The following DGCR6L variants were observed in gnomAD, a reference collection of about 807,000 sequenced individuals.
The protein encoded by DGCR6L is DiGeorge syndrome critical region gene 6 like, also known as protein DGCR6L.
A neutral mutation model predicts 31.1 loss-of-function variants in DGCR6L; 24 were observed. The observed-to-expected ratio is 0.77, with a 90% confidence interval of 0.56 to 1.08. The LOEUF is 1.08. Ranked by LOEUF, DGCR6L falls within the 50% of genes least tolerant of loss-of-function variation. The pLI is 0.00. For missense variants in DGCR6L, 218 were observed against 287.1 expected (o/e 0.76, Z 1.74); for synonymous variants, 104 against 126.1 (o/e 0.82, Z 1.17).
chr22:20,315,470 C>T lies in DGCR6L; in HGVS notation c.379G>A (p.Glu127Lys). The T allele has an allele frequency of 6.2e-7, 1 of 1,613,358 alleles. No individual in the cohort carries two copies. The highest frequency in any genetic ancestry group is 2.2e-5 in the East Asian group (1 of 44,876). Residue 127 changes from glutamate to lysine, a missense_variant, in exon 4 of 5, where the codon GAA (glutamate) becomes AAA (lysine). By Grantham distance (56) the Glu-to-Lys change is moderately conservative (BLOSUM62 1). Coordinates refer to ENST00000248879, the MANE Select transcript of DGCR6L (RefSeq NM_033257.4). The part of the protein sequence containing the change: ...AAQQRELEAV[E>K]HRIREEQRAM... ...CGCTGCTCCTCACGGATCCGGTGTT[C>T]CACGGCCTGCCATGGGGCCAGGGCG... is the stretch of plus-strand genomic sequence containing the variant.
chr22:20,315,969 T>G (rs1176488085), intron 3 of DGCR6L, 150 bp downstream of exon 3: 3 of 941,296 alleles, frequency 3.2e-6, no homozygotes, highest in Admixed American at 2.9e-5. Context: ...AGCCACCTGG[T>G]GGGACTCACT....
At chr22:20,316,887 G>A (rs975495947) in intron 2 of DGCR6L, among the ~76,000 whole-genome samples, 8 of 152,212 alleles carry the variant, frequency 5.3e-5, no homozygotes, top group African/African-American at 1.9e-4. Context: ...TTGCTAAACT[G>A]TGCACAAACA....
chr22:20,319,603 G>A (rs112389145), intron 2 of DGCR6L, 36 bp downstream of exon 2: 1 of 1,605,408 alleles, frequency 6.2e-7, no homozygotes. Context: ...CGCCGACCCG[G>A]AGGAGGCGGC....
In DGCR6L at chr22:20,314,730, G is replaced by A. The variant is rs193920891; in HGVS notation, c.608C>T (p.Pro203Leu). ...ACACTGGGCAGCAGGCGACTGCCAG[G>A]GACCTCCCAGTCCCAGGGCTGCATT... ...AGNAALGLGG[P>L]WQSPAAQCDQ... The change falls in exon 5 of 5, where the codon CCC (proline) becomes CTC (leucine). Residue 203 changes from proline (P) to leucine (L), a missense_variant. By Grantham distance (98) the Pro-to-Leu change is moderately conservative. This residue lies in a region of DGCR6L where 58 missense variants were observed against 105.4 expected (regional missense o/e 0.55). Transcript: ENST00000248879. The A allele has an allele frequency of 1.2e-6, 2 of 1,611,792 alleles. No homozygotes were observed. Among genetic ancestry groups the A allele is most frequent in the Non-Finnish European group, 1.7e-6 (2 of 1,179,518 alleles).
At chr22:20,316,259 G>A (rs746287839) in intron 2 of DGCR6L, 40 bp from the exon 3 acceptor site, 29 of 1,559,730 alleles carry the variant, frequency 1.9e-5, no homozygotes, top group East Asian at 1.7e-4. Context: ...GGTGGGACTC[G>A]GCAGCAGCCC....
intron 2 of DGCR6L, among the ~76,000 whole-genome samples, chr22:20,317,877 G>T (rs1331549273): frequency 2.0e-5 from 3 of 152,100 alleles, no homozygotes; most frequent in African/African-American, 7.2e-5. Flanking sequence ...AAAGACAATC[G>T]CCCAGACATT....
rs947301374 is a variant in DGCR6L, at chr22:20,316,291, G to A, written c.272-72C>T. 10 of 1,543,414 alleles carry A rather than the reference G, an allele frequency of 6.5e-6. No homozygotes were observed. In the African/African-American group the frequency reaches 9.6e-5, roughly 15 times the overall value. On this transcript the variant is annotated intron_variant, in intron 2 of 4. Transcript: ENST00000248879. The stretch of plus-strand genomic sequence containing the variant: ...GCCCTCACCCATGGGCACCTGCCTT[G>A]CCAGCCCAGCAGAGCAGCCAGGCCA...
chr22:20,315,997 C>T, intron 3 of DGCR6L, 122 bp downstream of exon 3: 3 of 1,223,138 alleles, frequency 2.5e-6, no homozygotes, highest in Non-Finnish European at 3.3e-6. Context: ...CAGTGTCCCA[C>T]TCAGGCCCAG....
Position 20,319,506 on chromosome 22 carries a change from C to T in DGCR6L, c.271+133G>A, listed in dbSNP as rs958695797. The T allele has an allele frequency of 2.8e-6, 4 of 1,430,132 alleles. No homozygotes were observed. In the African/African-American group the frequency reaches 4.3e-5, roughly 15 times the overall value. The allele number at this position is 1,430,132 out of a possible 1,614,324, so 88.6% of individuals were successfully genotyped here. ...AAAGGCGCTGTCTCAGTCTCTGCGC[C>T]CGTTGATTTTGTCAATCTTAGAGAC... On this transcript the variant is annotated intron_variant, in intron 2 of 4. Transcript: ENST00000248879.
chr22:20,317,042 G>A (rs1489852221), intron 2 of DGCR6L, among the ~76,000 whole-genome samples: 1 of 152,148 alleles, frequency 6.6e-6, no homozygotes, highest in Non-Finnish European at 1.5e-5. Context: ...TCCCCAGGAG[G>A]GAGGGGTCCC....
At position 20,314,463 on chromosome 22, in the gene DGCR6L, T is replaced by C. The variant is rs1457414005; in HGVS notation, c.*212A>G. ...TGTGAGAACCCCCAGCCTCACTCTC[T>C]GCCTGGTCCTGAAGCAGACAGCAGC... On this transcript the variant is annotated 3_prime_UTR_variant, in exon 5 of 5. Coordinates refer to ENST00000248879, the MANE Select transcript of DGCR6L (RefSeq NM_033257.4). 2.3e-6 allele frequency: 2 copies of C among 866,392 alleles called. No homozygotes were observed. The highest frequency in any genetic ancestry group is 3.4e-5 in the African/African-American group (2 of 58,460). The allele number at this position is 866,392 out of a possible 1,614,324, so 53.7% of individuals were successfully genotyped here. A position where few individuals can be genotyped will look rare whatever the true frequency, so the allele number is the denominator to read the frequency against.
chr22:20,316,053 A>G (rs2051569022), intron 3 of DGCR6L, 66 bp downstream of exon 3: 4 of 1,506,728 alleles, frequency 2.7e-6, no homozygotes, highest in African/African-American at 2.7e-5. Context: ...AGCTCAGCCC[A>G]GTCAGCAGAG....
At position 20,314,610 on chromosome 22, in the gene DGCR6L, C is replaced by A; in HGVS notation, c.*65G>T. On this transcript the variant is annotated 3_prime_UTR_variant, in exon 5 of 5. Coordinates refer to ENST00000248879, the MANE Select transcript of DGCR6L (RefSeq NM_033257.4). Reference sequence around the variant, plus strand: ...CTCAGCAGGGGGAACCCCCTGCGGGCAGCTGGGAAGGCAGTGGCCAAAGGT... The same window carrying A: ...CTCAGCAGGGGGAACCCCCTGCGGGAAGCTGGGAAGGCAGTGGCCAAAGGT... The A allele has an allele frequency of 6.6e-7, 1 of 1,509,336 alleles. No individual in the cohort carries two copies. Among genetic ancestry groups the A allele is most frequent in the Middle Eastern group, 2.5e-4 (1 of 3,958 alleles). 93.5% of individuals were successfully genotyped at this position (1,509,336 alleles called of 1,614,324 possible). A position where few individuals can be genotyped will look rare whatever the true frequency, so the allele number is the denominator to read the frequency against.
Position 20,319,809 on chromosome 22 carries a change from G to C in DGCR6L, c.111-10C>G, listed in dbSNP as rs1333430158. 1 of 1,605,756 alleles carries C rather than the reference G, an allele frequency of 6.2e-7. No individual in the cohort carries two copies. The highest frequency in any genetic ancestry group is 1.3e-5 in the African/African-American group (1 of 74,950). On this transcript the variant is annotated splice_polypyrimidine_tract_variant and intron_variant, in intron 1 of 4. Transcript: ENST00000248879. ...GCGCTGCTGGAAAGAGCTGCGGGTA[G>C]GGGGGCGCGGTGAGCCCCGGCGGGA... is the stretch of plus-strand genomic sequence containing the variant.
rs1201230166 is a variant in DGCR6L, at chr22:20,316,334, G to A, written c.272-115C>T. 4.2e-5 allele frequency: 57 copies of A among 1,342,064 alleles called. No individual in the cohort carries two copies. The East Asian group carries it at 1.4e-3, about 32-fold the overall frequency. 83.1% of individuals were successfully genotyped at this position (1,342,064 alleles called of 1,614,324 possible). A position where few individuals can be genotyped will look rare whatever the true frequency, so the allele number is the denominator to read the frequency against. ...CCAGGCCAAAGGGGTGTCTGCAGTG[G>A]GGAGGATGCCAGCCTCCTCCATCCT... On this transcript the variant is annotated intron_variant, in intron 2 of 4. Transcript: ENST00000248879.
chr22:20,319,818 G>A lies in DGCR6L; in HGVS notation c.111-19C>T. 2 of 1,602,336 alleles carry A rather than the reference G, an allele frequency of 1.2e-6. No homozygotes were observed. Among genetic ancestry groups the A allele is most frequent in the Non-Finnish European group, 1.7e-6 (2 of 1,175,088 alleles). On this transcript the variant is annotated intron_variant, in intron 1 of 4. Coordinates refer to ENST00000248879, the MANE Select transcript of DGCR6L (RefSeq NM_033257.4). ...GAAAGAGCTGCGGGTAGGGGGGCGCGGTGAGCCCCGGCGGGAAACGAAGCC... is the reference window on the plus strand; with the variant it reads ...GAAAGAGCTGCGGGTAGGGGGGCGCAGTGAGCCCCGGCGGGAAACGAAGCC...
Position 20,319,753 on chromosome 22 carries a change from G to C in DGCR6L, c.157C>G (p.Leu53Val), listed in dbSNP as rs750945911. The C allele has an allele frequency of 2.5e-6, 4 of 1,612,790 alleles. No homozygotes were observed. The highest frequency in any genetic ancestry group is 3.4e-6 in the Non-Finnish European group (4 of 1,179,516). ...AACACGGTGCCGTCGAGAAGCGCCA[G>C]GGCCAGGTCGCTGAGCGTGGTGTAG... ...LSYTTLSDLA[L>V]ALLDGTVFEI... is the part of the protein sequence containing the mutation. The change falls in exon 2 of 5, where the codon CTG becomes GTG. Residue 53 changes from leucine (L) to valine (V), a missense_variant. Transcript: ENST00000248879.
Position 20,315,560 on chromosome 22 carries a change from C to A in DGCR6L, c.373-84G>T, listed in dbSNP as rs1244807311. 7 of 1,539,348 alleles carry A rather than the reference C, an allele frequency of 4.5e-6. No homozygotes were observed. In the African/African-American group the frequency reaches 5.4e-5, roughly 12 times the overall value. On this transcript the variant is annotated intron_variant, in intron 3 of 4. Coordinates refer to ENST00000248879, the MANE Select transcript of DGCR6L (RefSeq NM_033257.4). ...CGGGGAGGTGAGGGCAGCTCAAACA[C>A]ATGCTCCTGCTGCCGTCCCCAGTGG...
intron 4 of DGCR6L, chr22:20,315,041 T>C: frequency 3.2e-6 from 4 of 1,269,756 alleles, no homozygotes; most frequent in South Asian, 1.3e-5. Context: ...TCTGAGCCTC[T>C]GCCCCCAGCA....
Sources: gnomAD v4.1 joint callset for allele counts (sites outside exome capture counted in the v4.1 genomes callset) on GRCh38, gnomAD v4.1.1 for gene constraint, gnomAD v4.1.1 regional missense constraint, MANE v1.5 for transcripts, NCBI Gene and HGNC (gene_info 2026-07-23, HGNC 2026-07-21) for gene names.